The following GALNT8 variants were observed in gnomAD, a reference collection of about 807,000 sequenced individuals.
GALNT8 encodes the protein probable polypeptide N-acetylgalactosaminyltransferase 8.
In GALNT8, 66 loss-of-function variants were observed where a neutral mutation model predicts 62.7. The observed-to-expected ratio is 1.05, with a 90% confidence interval of 0.86 to 1.29. The LOEUF (loss-of-function observed/expected upper bound fraction) is 1.29. Ranked by LOEUF, GALNT8 falls within the 50% of genes most tolerant of loss-of-function variation. GALNT8 has a pLI of 0.00. For missense variants in GALNT8, 771 were observed against 791.8 expected, an observed-to-expected ratio of 0.97 and a Z score of 0.32; for synonymous variants, 288 against 294.3, an observed-to-expected ratio of 0.98 and a Z score of 0.22.
chr12:4,764,137 C>G, intron 9 of GALNT8, 90 bp downstream of exon 9: 1 of 790,792 alleles, frequency 1.3e-6, no homozygotes, highest in African/African-American at 1.7e-5. Context: ...CTCCGTGATA[C>G]GTGATGGGGA....
In GALNT8 at chr12:4,762,076, A is replaced by G. The variant is rs147599821; in HGVS notation, c.1359+933A>G. On this transcript the variant is annotated intron_variant, in intron 7 of 10. Transcript: ENST00000252318. ...TTCTTTATCATTTAAAGATACCAAA[A>G]TGCTTCCTTTCCTAATCCAAGCTGC... 2.3e-3 allele frequency among the ~76,000 whole-genome samples: 351 copies of G among 152,232 alleles called. 3 individuals are homozygous for G. Among genetic ancestry groups the G allele is most frequent in the African/African-American group, 8.1e-3 (336 of 41,532 alleles).
rs11456593 is a variant in GALNT8, at chr12:4,724,148, C to CAAA, written c.212-2359_212-2357dup. Among the ~76,000 whole-genome samples, 15 of 48,104 alleles carry CAAA rather than the reference C, an allele frequency of 3.1e-4. 2 individuals are homozygous for CAAA. Among genetic ancestry groups the CAAA allele is most frequent in the South Asian group, 1.2e-3 (1 of 864 alleles). 31.6% of individuals were successfully genotyped at this position (48,104 alleles called of 152,430 possible). On this transcript the variant is annotated intron_variant, in intron 1 of 10. Transcript: ENST00000252318. Reference sequence around the variant, plus strand: ...CGGGTGACAGAGCGAGACTCCGTCTCAAAAAAAAAAAAAAAAAAAAAAAAA... The same window carrying CAAA: ...CGGGTGACAGAGCGAGACTCCGTCTCAAAAAAAAAAAAAAAAAAAAAAAAAAAA...
intron 3 of GALNT8, among the ~76,000 whole-genome samples, chr12:4,741,597 A>G (rs1180147335): frequency 5.3e-5 from 8 of 152,004 alleles, no homozygotes; most frequent in Admixed American, 5.2e-4. Flanking sequence ...AAAAGTCAAT[A>G]CTATACTCTA....
rs1286265307 is a variant in GALNT8 at position 4,764,004 on chromosome 12, G to GCAA, written c.1553_1555dup (p.Asn518dup). Reference sequence around the variant, plus strand: ...TGCTTGGATCAGGGACCCGTTCCAGGCAACACCCCCATCATGTATTACTGC... The same window carrying GCAA: ...TGCTTGGATCAGGGACCCGTTCCAGGCAACAACACCCCCATCATGTATTACTGC... On this transcript the variant is annotated inframe_insertion, in exon 9 of 11. Coordinates refer to ENST00000252318, the MANE Select transcript of GALNT8 (RefSeq NM_017417.2). 6.2e-7 allele frequency: 1 copy of GCAA among 1,600,958 alleles called. No homozygotes were observed.
chr12:4,741,347 T>G (rs1248235483), intron 3 of GALNT8, among the ~76,000 whole-genome samples: 1 of 152,198 alleles, frequency 6.6e-6, no homozygotes, highest in Non-Finnish European at 1.5e-5. Context: ...GAGACTAGTT[T>G]CATTCATTTC....
At chr12:4,757,930 A>G (rs1027586093) in intron 6 of GALNT8, among the ~76,000 whole-genome samples, 2 of 152,194 alleles carry the variant, frequency 1.3e-5, no homozygotes, top group Admixed American at 6.5e-5. Flanking sequence ...GAATTCCCCA[A>G]TTCTTCAACT....
rs2137544838 is a variant in GALNT8, at chr12:4,765,543, AC to A, written c.1760del (p.Pro587ArgfsTer6). The A allele has an allele frequency of 1.9e-6, 3 of 1,597,186 alleles. No individual in the cohort carries two copies. Among genetic ancestry groups the A allele is most frequent in the East Asian group, 4.5e-5 (2 of 44,702 alleles). Reference protein sequence around the residue: ...NRLHIYWDFKPGGAVINRDTK... With the variant: ...NRLHIYWDFKXGGAVINRDTK... ...GACTGCATATATATTGGGATTTTAA[AC>A]CGGTGAGTTATGTGTTTTTGTTTGT... On this transcript the variant is annotated frameshift_variant and splice_region_variant, in exon 10 of 11. Transcript: ENST00000252318. LOFTEE classifies it low-confidence loss of function (END_TRUNC).
At chr12:4,750,830 C>T (rs1230664564) in intron 6 of GALNT8, among the ~76,000 whole-genome samples, 1 of 152,116 alleles carries the variant, frequency 6.6e-6, no homozygotes, top group Admixed American at 6.5e-5. Flanking sequence ...ACCTTGCCAG[C>T]ATCTGTTATT....
At chr12:4,760,855 T>TA (rs1946368190) in intron 6 of GALNT8, 103 bp from the exon 7 acceptor site, 2 of 916,608 alleles carry the variant, frequency 2.2e-6, no homozygotes, top group African/African-American at 3.3e-5. Flanking sequence ...GGACTGAGCT[T>TA]ACATTCTTTA....
At chr12:4,753,936 T>C (rs1487913102) in intron 6 of GALNT8, among the ~76,000 whole-genome samples, 2 of 152,226 alleles carry the variant, frequency 1.3e-5, no homozygotes, top group Non-Finnish European at 2.9e-5. Flanking sequence ...TCCAGACTCA[T>C]AGAAGTACCA....
intron 2 of GALNT8, among the ~76,000 whole-genome samples, chr12:4,729,850 G>A (rs1163062083): frequency 1.3e-5 from 2 of 152,082 alleles, no homozygotes; most frequent in Non-Finnish European, 2.9e-5. Context: ...CACTAACTGT[G>A]CAATGGTTCT....
chr12:4,739,156 CTT>C lies in GALNT8; in HGVS notation c.510-6_510-5del. On this transcript the variant is annotated splice_region_variant and splice_polypyrimidine_tract_variant and intron_variant, in intron 2 of 10. Coordinates refer to ENST00000252318, the MANE Select transcript of GALNT8 (RefSeq NM_017417.2). ...AAATAATATGTTATAAAAATGGTCT[CTT>C]ATAGATGTCTTCGGAAGACATATCC... The C allele has an allele frequency of 6.3e-7, 1 of 1,587,556 alleles. No individual in the cohort carries two copies. The highest frequency in any genetic ancestry group is 8.6e-7 in the Non-Finnish European group (1 of 1,158,796).
At chr12:4,744,452 T>C (rs1946286600) in intron 3 of GALNT8, 65 bp from the exon 4 acceptor site, 2 of 1,168,544 alleles carry the variant, frequency 1.7e-6, no homozygotes, top group Non-Finnish European at 2.4e-6. Context: ...TATGATAGTA[T>C]AAAACTTTTG....
At chr12:4,740,929 T>G (rs1946269167) in intron 3 of GALNT8, among the ~76,000 whole-genome samples, 1 of 152,244 alleles carries the variant, frequency 6.6e-6, no homozygotes, top group South Asian at 2.1e-4. Flanking sequence ...TTATAATACA[T>G]GAATTATGTA....
intron 3 of GALNT8, among the ~76,000 whole-genome samples, chr12:4,740,795 G>A (rs1946268681): frequency 6.6e-6 from 1 of 150,888 alleles, no homozygotes; most frequent in Non-Finnish European, 1.5e-5. Context: ...GTGTAGATGT[G>A]CAAAACTAAG....
rs771010629 is a variant in GALNT8 at position 4,765,524 on chromosome 12, A to G, written c.1739A>G (p.His580Arg). 1.9e-6 allele frequency: 3 copies of G among 1,604,108 alleles called. No homozygotes were observed. The highest frequency in any genetic ancestry group is 2.5e-6 in the Non-Finnish European group (3 of 1,177,370). The change falls in exon 10 of 11, where the codon CAT (histidine) becomes CGT (arginine). Residue 580 changes from histidine (H) to arginine (R), a missense_variant. Physicochemically the swap from His to Arg is conservative, Grantham distance 29 (BLOSUM62 0). Transcript: ENST00000252318. ...PCSKAAKNRL[H>R]IYWDFKPGGA... ...TCCAAGGCAGCTAAGAATAGACTGC[A>G]TATATATTGGGATTTTAAACCGGTG...
intron 3 of GALNT8, 142 bp from the exon 4 acceptor site, chr12:4,744,375 A>G (rs1022961654): frequency 8.3e-6 from 5 of 599,736 alleles, no homozygotes; most frequent in African/African-American, 5.6e-5. Flanking sequence ...CAGGGGAAAT[A>G]CTACTTATTT....
At chr12:4,729,718 CT>C (rs1373769047) in intron 2 of GALNT8, among the ~76,000 whole-genome samples, 4 of 152,024 alleles carry the variant, frequency 2.6e-5, no homozygotes, top group Non-Finnish European at 4.4e-5. Context: ...CTTCAATATA[CT>C]AATTCATTTC....
At chr12:4,758,164 C>T (rs1210539808) in intron 6 of GALNT8, among the ~76,000 whole-genome samples, 1 of 152,084 alleles carries the variant, frequency 6.6e-6, no homozygotes, top group African/African-American at 2.4e-5. Context: ...AGCAGTTCTG[C>T]CCATATCCAG....
Sources: allele counts gnomAD v4.1 joint callset (sites outside exome capture counted in the v4.1 genomes callset), GRCh38; gene constraint gnomAD v4.1.1; transcripts MANE v1.5; gene names NCBI Gene and HGNC (gene_info 2026-07-23, HGNC 2026-07-21).